LYPLAL1: variants seen among roughly 807,000 people sequenced by gnomAD.
The protein encoded by LYPLAL1 is lysophospholipase-like protein 1.
Under a neutral mutation model 19.7 loss-of-function variants are expected in LYPLAL1, and 23 were observed. The ratio of observed to expected loss-of-function variants is 1.17; its 90% CI spans 0.84 to 1.65. The LOEUF (loss-of-function observed/expected upper bound fraction) is 1.65. LYPLAL1 is among the 40% of genes most tolerant of loss of function. The pLI is 0.00. For missense variants in LYPLAL1, 355 were observed against 279.4 expected, an observed-to-expected ratio of 1.27 and a Z score of -1.93; for synonymous variants, 119 against 96.3, an observed-to-expected ratio of 1.24 and a Z score of -1.38.
chr1:219,346,639 C>T, the LYPLAL1 span, among the ~76,000 whole-genome samples: 1 of 152,086 alleles, frequency 6.6e-6, no homozygotes, highest in Non-Finnish European at 1.5e-5. Context: ...CTTTCCAGGA[C>T]ATCCCCAGGA....
the LYPLAL1 span, among the ~76,000 whole-genome samples, chr1:219,243,053 C>T: frequency 6.6e-6 from 1 of 152,104 alleles, no homozygotes; most frequent in African/African-American, 2.4e-5. Context: ...GAGTGCCAGC[C>T]TCTTGGATTC....
At position 219,193,901 on chromosome 1, in the gene LYPLAL1, A is replaced by C. The variant is rs558430125; in HGVS notation, c.361+650A>C. 2.6e-5 allele frequency among the ~76,000 whole-genome samples: 4 copies of C among 152,052 alleles called. 1 individual carries two copies. The South Asian group carries it at 8.3e-4, about 32-fold the overall frequency. ...GTGAAAGGGTTTTATTTCCAAATGT[A>C]ACTATTTAACTTACAATGAGTTGTA... On this transcript the variant is annotated intron_variant, in intron 3 of 4. Coordinates refer to ENST00000366928, the MANE Select transcript of LYPLAL1 (RefSeq NM_138794.5).
At chr1:219,344,853 C>T in the LYPLAL1 span, among the ~76,000 whole-genome samples, 4 of 152,278 alleles carry the variant, frequency 2.6e-5, no homozygotes, top group East Asian at 3.9e-4. Context: ...TTTCCAAACT[C>T]GCTGTATCCT....
chr1:219,384,752 T>C, the LYPLAL1 span, among the ~76,000 whole-genome samples: 1 of 152,218 alleles, frequency 6.6e-6, no homozygotes, highest in Non-Finnish European at 1.5e-5. Context: ...TGTCATAAAA[T>C]ATGTATGGAA....
the LYPLAL1 span, among the ~76,000 whole-genome samples, chr1:219,423,365 T>G: frequency 6.6e-6 from 1 of 152,208 alleles, no homozygotes; most frequent in Non-Finnish European, 1.5e-5. Context: ...TATGGTTATG[T>G]GTCTGTGCTT....
chr1:219,238,393 T>C, the LYPLAL1 span, among the ~76,000 whole-genome samples: 1 of 149,072 alleles, frequency 6.7e-6, no homozygotes. Flanking sequence ...CCTCGTGATC[T>C]GCTCGTCTCG....
At chr1:219,378,592 A>G in the LYPLAL1 span, among the ~76,000 whole-genome samples, 1 of 152,196 alleles carries the variant, frequency 6.6e-6, no homozygotes, top group African/African-American at 2.4e-5. Context: ...TAAAAAGAAA[A>G]TGGGGGTCAG....
chr1:219,416,744 A>G, the LYPLAL1 span, among the ~76,000 whole-genome samples: 16 of 152,296 alleles, frequency 1.1e-4, no homozygotes, highest in South Asian at 6.2e-4. Flanking sequence ...GTAAACTGTC[A>G]TTGCACTGGT....
the LYPLAL1 span, among the ~76,000 whole-genome samples, chr1:219,257,987 G>T: frequency 1.3e-5 from 2 of 151,926 alleles, no homozygotes; most frequent in African/African-American, 2.4e-5. Flanking sequence ...AATATTACTT[G>T]CTGGGAAAAG....
At chr1:219,192,800 G>T (rs1657288433) in intron 2 of LYPLAL1, among the ~76,000 whole-genome samples, 2 of 151,602 alleles carry the variant, frequency 1.3e-5, no homozygotes, top group Middle Eastern at 3.4e-3. Flanking sequence ...ACAATGAATG[G>T]ATTAAGATTC....
At chr1:219,376,439 T>C in the LYPLAL1 span, among the ~76,000 whole-genome samples, 5 of 152,044 alleles carry the variant, frequency 3.3e-5, no homozygotes, top group African/African-American at 1.2e-4. Flanking sequence ...TTCTTGAATA[T>C]GACACCAAAA....
At chr1:219,232,864 TA>T in the LYPLAL1 span, among the ~76,000 whole-genome samples, 175 of 144,388 alleles carry the variant, frequency 1.2e-3, no homozygotes, top group South Asian at 1.3e-3. Context: ...GGCTACTATT[TA>T]AAAAAAAAAA....
At chr1:219,263,371 C>T in the LYPLAL1 span, among the ~76,000 whole-genome samples, 1 of 152,130 alleles carries the variant, frequency 6.6e-6, no homozygotes, top group African/African-American at 2.4e-5. Flanking sequence ...AAGTTTATAT[C>T]CAGGCAGCCT....
At chr1:219,335,970 A>G in the LYPLAL1 span, among the ~76,000 whole-genome samples, 1 of 151,338 alleles carries the variant, frequency 6.6e-6, no homozygotes, top group Non-Finnish European at 1.5e-5. Flanking sequence ...CCTGATTATC[A>G]CATTAAATAA....
At chr1:219,244,919 A>AAC in the LYPLAL1 span, among the ~76,000 whole-genome samples, 4 of 150,680 alleles carry the variant, frequency 2.7e-5, no homozygotes, top group Admixed American at 2.6e-4. Flanking sequence ...TGCAAAAAAA[A>AAC]AAAAAAAACA....
At chr1:219,253,692 CT>C in the LYPLAL1 span, among the ~76,000 whole-genome samples, 2 of 152,042 alleles carry the variant, frequency 1.3e-5, no homozygotes, top group African/African-American at 4.8e-5. Flanking sequence ...TGTTTTATGT[CT>C]AATTATGTGG....
the LYPLAL1 span, among the ~76,000 whole-genome samples, chr1:219,424,543 G>A: frequency 3.3e-4 from 51 of 152,284 alleles, no homozygotes; most frequent in South Asian, 0.011. Flanking sequence ...CAACGAGATT[G>A]TCAGAGGATA....
the LYPLAL1 span, among the ~76,000 whole-genome samples, chr1:219,249,427 C>T: frequency 6.6e-6 from 1 of 151,854 alleles, no homozygotes; most frequent in African/African-American, 2.4e-5. Context: ...ACCATTTCTC[C>T]ATTCTGCTAT....
At chr1:219,393,741 A>G in the LYPLAL1 span, among the ~76,000 whole-genome samples, 1 of 150,924 alleles carries the variant, frequency 6.6e-6, no homozygotes, top group Non-Finnish European at 1.5e-5. Flanking sequence ...AAGTCATATT[A>G]TGTTAAATCG....
Sources: allele counts gnomAD v4.1 joint callset (sites outside exome capture counted in the v4.1 genomes callset), GRCh38; gene constraint gnomAD v4.1.1; transcripts MANE v1.5; gene names NCBI Gene and HGNC (gene_info 2026-07-23, HGNC 2026-07-21).